The following COIL variants were observed in gnomAD, a reference collection of about 807,000 sequenced individuals.
The protein encoded by COIL is coilin p80.
A neutral mutation model predicts 51.6 loss-of-function variants in COIL; 28 were observed. That is an observed-to-expected ratio of 0.54 (90% CI 0.40 to 0.74). The LOEUF is 0.74. Ranked by LOEUF, COIL falls within the 30% of genes least tolerant of loss-of-function variation. COIL has a pLI of 0.00. For missense variants in COIL, 667 were observed against 685.9 expected (o/e 0.97, Z 0.31); for synonymous variants, 233 against 255.8 (o/e 0.91, Z 0.85).
intron 4 of COIL, among the ~76,000 whole-genome samples, chr17:56,949,052 T>C (rs921876685): frequency 2.0e-5 from 3 of 152,080 alleles, no homozygotes; most frequent in East Asian, 1.9e-4. Context: ...GATGGGGGGA[T>C]TGCTTGAGCC....
chr17:56,956,015 G>A (rs1193074749), intron 1 of COIL, among the ~76,000 whole-genome samples: 1 of 152,194 alleles, frequency 6.6e-6, no homozygotes. Context: ...GCAAGGTGCA[G>A]AACAGTATGT....
chr17:56,960,717 C>A (rs1910577528), intron 1 of COIL, 58 bp downstream of exon 1: 1 of 1,216,052 alleles, frequency 8.2e-7, no homozygotes, highest in Non-Finnish European at 1.1e-6. Flanking sequence ...CCCGGGCGTG[C>A]GCAGGCGCGT....
intron 5 of COIL, among the ~76,000 whole-genome samples, chr17:56,944,428 T>A (rs1567851198): frequency 6.6e-6 from 1 of 151,124 alleles, no homozygotes; most frequent in Non-Finnish European, 1.5e-5. Flanking sequence ...CCATCTCTAC[T>A]AAAAATACAA....
At chr17:56,957,231 A>C (rs1910500345) in intron 1 of COIL, among the ~76,000 whole-genome samples, 1 of 151,984 alleles carries the variant, frequency 6.6e-6, no homozygotes, top group Admixed American at 6.6e-5. Flanking sequence ...TGGGCAATGG[A>C]GTGAGACCCT....
intron 4 of COIL, among the ~76,000 whole-genome samples, chr17:56,947,219 A>G (rs1187176071): frequency 6.6e-6 from 1 of 152,164 alleles, no homozygotes; most frequent in Admixed American, 6.6e-5. Flanking sequence ...AACCAGACTC[A>G]ACAGGGAATC....
intron 1 of COIL, among the ~76,000 whole-genome samples, chr17:56,953,161 C>T (rs1402472187): frequency 2.6e-5 from 4 of 151,882 alleles, no homozygotes; most frequent in Non-Finnish European, 5.9e-5. Flanking sequence ...CCTGTAATCC[C>T]AGCACTTTGG....
chr17:56,940,516 A>G (rs1411969191), intron 6 of COIL, among the ~76,000 whole-genome samples: 1 of 152,172 alleles, frequency 6.6e-6, no homozygotes, highest in Non-Finnish European at 1.5e-5. Context: ...ACCAAAAAAA[A>G]CTATTGCAAA....
intron 1 of COIL, among the ~76,000 whole-genome samples, chr17:56,957,234 G>C (rs538737902): frequency 6.6e-6 from 1 of 151,998 alleles, no homozygotes; most frequent in East Asian, 1.9e-4. Flanking sequence ...GCAATGGAGT[G>C]AGACCCTGTC....
intron 1 of COIL, among the ~76,000 whole-genome samples, chr17:56,954,006 T>C (rs1910434149): frequency 6.6e-6 from 1 of 152,206 alleles, no homozygotes; most frequent in Admixed American, 6.5e-5. Context: ...ATATCAGATT[T>C]TTTTCTTGAC....
At chr17:56,942,368 T>C (rs16957876) in intron 5 of COIL, among the ~76,000 whole-genome samples, 6,340 of 152,242 alleles carry the variant, frequency 0.042, 431 homozygotes, top group African/African-American at 0.14. Flanking sequence ...CTTGATGAAC[T>C]GTCATTAGTA....
At chr17:56,947,169 C>T (rs772826008) in intron 4 of COIL, among the ~76,000 whole-genome samples, 2 of 152,158 alleles carry the variant, frequency 1.3e-5, no homozygotes, top group Non-Finnish European at 2.9e-5. Flanking sequence ...CCTCCTGCCT[C>T]TACCTGGAAT....
At position 56,961,026 on chromosome 17, in the gene COIL, T is replaced by A; in HGVS notation, c.-7A>T. On this transcript the variant is annotated 5_prime_UTR_variant, in exon 1 of 7. Coordinates refer to ENST00000240316, the MANE Select transcript of COIL (RefSeq NM_004645.3). ...CCGTCTCGGAAGCTGCCATCTTGCT[T>A]GGTGCTCAACGGAAGCCGAGAGATA... The A allele has an allele frequency of 6.2e-7, 1 of 1,611,810 alleles. No homozygotes were observed. The highest frequency in any genetic ancestry group is 8.5e-7 in the Non-Finnish European group (1 of 1,178,912).
intron 1 of COIL, among the ~76,000 whole-genome samples, chr17:56,954,454 G>A (rs1910446211): frequency 1.3e-5 from 2 of 151,970 alleles, no homozygotes; most frequent in East Asian, 1.9e-4. Context: ...CCAGCTACTC[G>A]GGAAGCTGAG....
chr17:56,956,722 G>C (rs954678681), intron 1 of COIL, among the ~76,000 whole-genome samples: 1 of 152,138 alleles, frequency 6.6e-6, no homozygotes, highest in Admixed American at 6.6e-5. Flanking sequence ...CCCTCAAGCA[G>C]CTGGGACTAC....
intron 1 of COIL, among the ~76,000 whole-genome samples, chr17:56,955,281 G>C (rs902639777): frequency 6.6e-6 from 1 of 152,148 alleles, no homozygotes; most frequent in Non-Finnish European, 1.5e-5. Flanking sequence ...GGTCAGGCTG[G>C]TCTCGAACTG....
intron 1 of COIL, among the ~76,000 whole-genome samples, chr17:56,953,272 G>A (rs536278977): frequency 3.6e-4 from 54 of 151,926 alleles, no homozygotes; most frequent in East Asian, 5.8e-4. Context: ...TTAGCCAGGC[G>A]TGGTGGCGGG....
At chr17:56,941,993 A>C in intron 6 of COIL, 42 bp downstream of exon 6, 1 of 1,489,612 alleles carries the variant, frequency 6.7e-7, no homozygotes, top group Non-Finnish European at 9.4e-7. Flanking sequence ...TGGTCAAGAG[A>C]GAACGAATGG....
intron 4 of COIL, among the ~76,000 whole-genome samples, chr17:56,947,829 G>A (rs906214084): frequency 3.3e-5 from 5 of 152,102 alleles, no homozygotes; most frequent in African/African-American, 1.2e-4. Flanking sequence ...TAGAGGTTGT[G>A]GGATGTATCA....
chr17:56,944,038 G>GT (rs1207223293), intron 5 of COIL, among the ~76,000 whole-genome samples: 294 of 141,256 alleles, frequency 2.1e-3, no homozygotes, highest in Middle Eastern at 3.7e-3. Context: ...GCTATGTTTT[G>GT]TTTTTTTTTT....
Sources: gnomAD v4.1 joint callset for allele counts (sites outside exome capture counted in the v4.1 genomes callset) on GRCh38, gnomAD v4.1.1 for gene constraint, MANE v1.5 for transcripts, NCBI Gene and HGNC (gene_info 2026-07-23, HGNC 2026-07-21) for gene names.